Variants in SPTBN2 observed in about 807,000 individuals in gnomAD.
SPTBN2 encodes spectrin beta chain, non-erythrocytic 2.
SPTBN2 carries 107 observed loss-of-function variants against 284.2 expected under a neutral mutation model. The ratio of observed to expected loss-of-function variants is 0.38; its 90% CI spans 0.32 to 0.44. The LOEUF is 0.44. Among genes scored for constraint, SPTBN2 ranks in the 20% least tolerant of loss-of-function variants. SPTBN2 has a pLI of 1.00. For missense variants in SPTBN2, 2,569 were observed against 3,287.1 expected (o/e 0.78, Z 5.34); for synonymous variants, 1,289 against 1,354.8 (o/e 0.95, Z 1.07).
intron 14 of SPTBN2, 104 bp downstream of exon 14, chr11:66,705,580 G>C (rs1231589500): frequency 6.2e-7 from 1 of 1,601,734 alleles, no homozygotes; most frequent in Non-Finnish European, 8.5e-7. Context: ...ACCATCGTTT[G>C]GCCACCATCT....
intron 15 of SPTBN2, 116 bp downstream of exon 15, chr11:66,704,482 C>T: frequency 8.1e-7 from 1 of 1,233,558 alleles, no homozygotes; most frequent in South Asian, 1.5e-5. Context: ...AAATGGACAA[C>T]CATTAAGACT....
intron 18 of SPTBN2, 87 bp from the exon 19 acceptor site, chr11:66,699,169 T>C: frequency 6.6e-7 from 1 of 1,525,506 alleles, no homozygotes; most frequent in Non-Finnish European, 9.0e-7. Context: ...CCATTTCTTC[T>C]AGGGGAATAA....
At chr11:66,722,554 C>T (rs1177352795) in intron 1 of SPTBN2, among the ~76,000 whole-genome samples, 5 of 104,388 alleles carry the variant, frequency 4.8e-5, no homozygotes, top group African/African-American at 1.5e-4. Flanking sequence ...CCAGCCTGGG[C>T]GGCAGAATGA....
intron 3 of SPTBN2, among the ~76,000 whole-genome samples, chr11:66,720,436 C>T (rs924337609): frequency 5.9e-5 from 9 of 152,172 alleles, no homozygotes; most frequent in African/African-American, 9.7e-5. Flanking sequence ...ACTCCTCCCC[C>T]GGAAGACAGG....
At chr11:66,729,504 T>G (rs931165223), upstream of SPTBN2, among the ~76,000 whole-genome samples, 2 of 152,198 alleles carry the variant, frequency 1.3e-5, no homozygotes, top group Non-Finnish European at 2.9e-5. Flanking sequence ...ATTTAAGGTT[T>G]TATAATAGAT....
In SPTBN2 at chr11:66,685,784, TGTCCTGACAAGAGGG is replaced by T; in HGVS notation, c.*72_*86del. 1 of 1,298,456 alleles carries T rather than the reference TGTCCTGACAAGAGGG, an allele frequency of 7.7e-7. No homozygotes were observed. Among genetic ancestry groups the T allele is most frequent in the South Asian group, 1.2e-5 (1 of 83,624 alleles). The allele number at this position is 1,298,456 out of a possible 1,614,324, so 80.4% of individuals were successfully genotyped here. A position where few individuals can be genotyped will look rare whatever the true frequency, so the allele number is the denominator to read the frequency against. On this transcript the variant is annotated 3_prime_UTR_variant, in exon 38 of 38. Transcript: ENST00000533211. This position sits in a 1 kb window ranked among gnomAD's most constrained non-coding sequence, Gnocchi z 4.4. ...GCAACAGACCCTAGCAGCAGGCAGT[TGTCCTGACAAGAGGG>T]CGGTCCCTGTCGACTGTCCCTGGCA...
chr11:66,690,192 G>A lies in SPTBN2; in HGVS notation c.5657C>T (p.Ala1886Val), dbSNP rs1218661035. The change falls in exon 28 of 38, where the codon GCC (alanine) becomes GTC (valine). Residue 1886 changes from alanine to valine, a missense_variant. Ala to Val is a moderately conservative substitution (Grantham distance 64). Transcript: ENST00000533211. The stretch of plus-strand genomic sequence containing the variant: ...TCCCTGAAGCTGGGCCCAGGCCTCG[G>A]CCACGGCCTGCATGTGGCGGCCGAT... Reference protein sequence around the residue: ...EEIGRHMQAVAEAWAQLQGSS... With the variant: ...EEIGRHMQAVVEAWAQLQGSS... 6 of 1,613,948 alleles carry A rather than the reference G, an allele frequency of 3.7e-6. No individual in the cohort carries two copies. Among genetic ancestry groups the A allele is most frequent in the South Asian group, 1.1e-5 (1 of 91,056 alleles).
Position 66,700,584 on chromosome 11 carries a change from T to C in SPTBN2, c.3515A>G (p.His1172Arg). The C allele has an allele frequency of 6.2e-7, 1 of 1,607,886 alleles. No homozygotes were observed. Residue 1172 changes from histidine (H) to arginine (R), a missense_variant, in exon 17 of 38, where the codon CAC becomes CGC. Physicochemically the swap from His to Arg is conservative, Grantham distance 29. Coordinates refer to ENST00000533211, the MANE Select transcript of SPTBN2 (RefSeq NM_006946.4). This position sits in a 1 kb window ranked among gnomAD's most constrained non-coding sequence, Gnocchi z 6.6. Reference protein sequence around the residue: ...ESRQGRLAQAHGFQGFLRDAR... With the variant: ...ESRQGRLAQARGFQGFLRDAR... ...ATCCCGCAGGAATCCCTGGAAGCCG[T>C]GGGCCTGGGCCAGGCGACCTTGCCG...
chr11:66,714,390 C>T lies in SPTBN2; in HGVS notation c.501G>A (p.Val167=). 6.2e-7 allele frequency: 1 copy of T among 1,614,030 alleles called. No individual in the cohort carries two copies. The highest frequency in any genetic ancestry group is 8.5e-7 in the Non-Finnish European group (1 of 1,179,948). The part of the protein sequence containing the change: ...ILRFQIQDIS[V]ETEDNKEKKS... Reference sequence around the variant, plus strand: ...TCTTCTCCTTGTTGTCTTCTGTCTCCACACTGATGTCTTGGATCTAGGAAG... The same window carrying T: ...TCTTCTCCTTGTTGTCTTCTGTCTCTACACTGATGTCTTGGATCTAGGAAG... Residue 167 remains valine (V), a synonymous_variant, in exon 6 of 38, where the codon GTG becomes GTA. Transcript: ENST00000533211.
chr11:66,720,932 G>A, intron 3 of SPTBN2, 152 bp downstream of exon 3: 3 of 1,052,866 alleles, frequency 2.8e-6, no homozygotes, highest in Non-Finnish European at 2.8e-6. Flanking sequence ...TATTCTTGAG[G>A]CTGGATGTGG....
intron 7 of SPTBN2, 42 bp downstream of exon 7, chr11:66,714,049 G>T: frequency 1.9e-6 from 3 of 1,604,140 alleles, no homozygotes; most frequent in South Asian, 2.2e-5. Context: ...GTCATTAGCC[G>T]ACCCAGCAGC....
chr11:66,732,451 C>T (rs1483025797), upstream of SPTBN2, among the ~76,000 whole-genome samples: 1 of 151,806 alleles, frequency 6.6e-6, no homozygotes, highest in Non-Finnish European at 1.5e-5. Flanking sequence ...AGATTGAGAC[C>T]ATCCTGGCTA....
chr11:66,700,701 C>T lies in SPTBN2; in HGVS notation c.3398G>A (p.Arg1133Gln), dbSNP rs756855460. 1.7e-5 allele frequency: 27 copies of T among 1,605,362 alleles called. No homozygotes were observed. Among genetic ancestry groups the T allele is most frequent in the East Asian group, 6.7e-5 (3 of 44,866 alleles). ...RLRALGEEVT[R>Q]DQADPQCLFL... Reference sequence around the variant, plus strand: ...GAGGCACTGGGGGTCAGCCTGGTCCCGGGTCACCTCCTCGCCCAGGGCTCG... The same window carrying T: ...GAGGCACTGGGGGTCAGCCTGGTCCTGGGTCACCTCCTCGCCCAGGGCTCG... Residue 1133 changes from arginine to glutamine, a missense_variant, in exon 17 of 38, where the codon CGG becomes CAG. Arg to Gln is a conservative substitution (Grantham distance 43, BLOSUM62 1). Transcript: ENST00000533211. This position sits in a 1 kb window ranked among gnomAD's most constrained non-coding sequence, Gnocchi z 6.6.
At chr11:66,698,836 A>G in intron 19 of SPTBN2, 51 bp from the exon 20 acceptor site, 2 of 1,610,426 alleles carry the variant, frequency 1.2e-6, no homozygotes, top group Non-Finnish European at 1.7e-6. Context: ...AGAGGGGGGC[A>G]TAAAAGCAGG....
chr11:66,692,961 T>C lies in SPTBN2; in HGVS notation c.4985+9A>G. On this transcript the variant is annotated intron_variant, in intron 25 of 37. Transcript: ENST00000533211. ...CCCCCAGGCTGGGCCGGGCTGCCGC[T>C]GCACCCACCTCTCTGGGTGCTCGTG... 1 of 1,603,018 alleles carries C rather than the reference T, an allele frequency of 6.2e-7. No homozygotes were observed. The highest frequency in any genetic ancestry group is 8.5e-7 in the Non-Finnish European group (1 of 1,179,914).
rs996832264 is a variant in SPTBN2 at position 66,718,824 on chromosome 11, G to A, written c.157+2260C>T. Among the ~76,000 whole-genome samples, 13 of 152,250 alleles carry A rather than the reference G, an allele frequency of 8.5e-5. No homozygotes were observed. The highest frequency in any genetic ancestry group is 1.2e-4 in the African/African-American group (5 of 41,468). On this transcript the variant is annotated intron_variant, in intron 3 of 37. Transcript: ENST00000533211. This position sits in a 1 kb window ranked among gnomAD's most constrained non-coding sequence, Gnocchi z 4.8. The stretch of plus-strand genomic sequence containing the variant: ...AGAGAGTGGGGGCACGCCTGGCTGC[G>A]GTGAGAGGAGACAGGCGGCTCCAGA...
At position 66,708,520 on chromosome 11, in the gene SPTBN2, A is replaced by AC. The variant is rs1941688732; in HGVS notation, c.1192-222dup. The stretch of plus-strand genomic sequence containing the variant: ...ACTGGAGGGAGCACGAACAGTGGAA[A>AC]CCATCTGATTCCTTTGTGTTGGCAG... On this transcript the variant is annotated intron_variant, in intron 11 of 37. Transcript: ENST00000533211. This position sits in a 1 kb window ranked among gnomAD's most constrained non-coding sequence, Gnocchi z 4.4. Among the ~76,000 whole-genome samples the AC allele has an allele frequency of 6.6e-6, 1 of 152,176 alleles. No individual in the cohort carries two copies. Among genetic ancestry groups the AC allele is most frequent in the Non-Finnish European group, 1.5e-5 (1 of 68,030 alleles).
chr11:66,707,570 C>T lies in SPTBN2; in HGVS notation c.1599G>A (p.Leu533=), dbSNP rs1205381816. Residue 533 remains leucine, a synonymous_variant, in exon 13 of 38, where the codon CTG becomes CTA. Coordinates refer to ENST00000533211, the MANE Select transcript of SPTBN2 (RefSeq NM_006946.4). The surrounding 1 kb of genome is among the most constrained non-coding windows in gnomAD (Gnocchi z 4.9). ...AGAGCAGGTCCTGGAACACCTTCTG[C>T]AGCTCCAGGTTGAGGAGGAGCCGCT... ...RRERLLLNLE[L]QKVFQDLLYL... 2 of 1,611,802 alleles carry T rather than the reference C, an allele frequency of 1.2e-6. No individual in the cohort carries two copies. Among genetic ancestry groups the T allele is most frequent in the African/African-American group, 1.3e-5 (1 of 74,942 alleles).
At chr11:66,742,698 C>A (rs369101177) in intron 1 of SPTBN2, among the ~76,000 whole-genome samples, 3 of 152,090 alleles carry the variant, frequency 2.0e-5, no homozygotes, top group Non-Finnish European at 4.4e-5. Flanking sequence ...CAACCTCCAC[C>A]TCCCGGGTTC....
Sources: allele counts gnomAD v4.1 joint callset (sites outside exome capture counted in the v4.1 genomes callset), GRCh38; gene constraint gnomAD v4.1.1; non-coding constraint Gnocchi (gnomAD v3.1); transcripts MANE v1.5; gene names NCBI Gene and HGNC (gene_info 2026-07-23, HGNC 2026-07-21).